LPIN2: variants seen among roughly 807,000 people sequenced by gnomAD.
The protein encoded by LPIN2 is lipin 2, also known as phosphatidate phosphatase LPIN2.
A neutral mutation model predicts 111.4 loss-of-function variants in LPIN2; 55 were observed. The ratio of observed to expected loss-of-function variants is 0.49; its 90% CI spans 0.40 to 0.62. The LOEUF is 0.62. Among genes scored for constraint, LPIN2 ranks in the 20% least tolerant of loss-of-function variants. The pLI is 0.00. For synonymous variants in LPIN2, 425 were observed against 414.0 expected, an observed-to-expected ratio of 1.03 and a Z score of -0.32; for missense variants, 992 against 1,112.1, an observed-to-expected ratio of 0.89 and a Z score of 1.54.
chr18:2,961,698 GTCCTAATGTCAGATTT>G (rs1217578293), intron 1 of LPIN2, among the ~76,000 whole-genome samples: 1 of 151,898 alleles, frequency 6.6e-6, no homozygotes, highest in Admixed American at 6.6e-5. Flanking sequence ...CCCCCCTTCA[GTCCTAATGTCAGATTT>G]TACTTCCAGC....
At chr18:2,921,268 C>T (rs1193980344) in intron 18 of LPIN2, 12 of 575,540 alleles carry the variant, frequency 2.1e-5, no homozygotes, top group South Asian at 6.0e-5. Context: ...GAAGAGGAGC[C>T]GGAGCTGCCT....
In LPIN2 at chr18:2,970,388, G is replaced by A. The variant is rs980136964; in HGVS notation, c.-9-9539C>T. On this transcript the variant is annotated intron_variant, in intron 1 of 19. Transcript: ENST00000677752. Reference sequence around the variant, plus strand: ...TGGCCCAAACAGATATTCATGAAACGTATATGGAGAGCCAAGGCCACCCAA... The same window carrying A: ...TGGCCCAAACAGATATTCATGAAACATATATGGAGAGCCAAGGCCACCCAA... Among the ~76,000 whole-genome samples the A allele has an allele frequency of 4.6e-5, 7 of 152,222 alleles. No homozygotes were observed. In the East Asian group the frequency reaches 5.8e-4, roughly 13 times the overall value.
chr18:2,974,557 G>A (rs1166619825), intron 1 of LPIN2, among the ~76,000 whole-genome samples: 1 of 152,124 alleles, frequency 6.6e-6, no homozygotes, highest in African/African-American at 2.4e-5. Flanking sequence ...TTTTCTCATG[G>A]TCTTAACTTT....
chr18:3,012,430 G>A (rs2078620125), intron 1 of LPIN2, among the ~76,000 whole-genome samples: 1 of 152,240 alleles, frequency 6.6e-6, no homozygotes, highest in South Asian at 2.1e-4. Flanking sequence ...GAAGTGGACA[G>A]AGAGGCTCTC....
intron 15 of LPIN2, 147 bp downstream of exon 15, chr18:2,924,251 T>C: frequency 1.1e-6 from 1 of 910,762 alleles, no homozygotes; most frequent in Non-Finnish European, 1.8e-6. Context: ...ATGTGGACTG[T>C]ACTGGGGACG....
At chr18:2,962,129 T>C (rs57957219) in intron 1 of LPIN2, among the ~76,000 whole-genome samples, 4,387 of 152,264 alleles carry the variant, frequency 0.029, 195 homozygotes, top group African/African-American at 0.1. Flanking sequence ...CACAGATGAG[T>C]GGCCACGGCA....
chr18:2,992,774 G>C (rs1268373950), intron 1 of LPIN2, among the ~76,000 whole-genome samples: 1 of 152,006 alleles, frequency 6.6e-6, no homozygotes, highest in Non-Finnish European at 1.5e-5. Context: ...ATGAGGTCAG[G>C]AGATGGAGAC....
intron 1 of LPIN2, among the ~76,000 whole-genome samples, chr18:2,977,985 G>C (rs1429446704): frequency 6.6e-6 from 1 of 152,092 alleles, no homozygotes; most frequent in Non-Finnish European, 1.5e-5. Flanking sequence ...CTGAGGTCAA[G>C]AGTTCAAGAC....
Position 2,954,490 on chromosome 18 carries a change from C to T in LPIN2, c.288+14G>A. On this transcript the variant is annotated intron_variant, in intron 3 of 19. Transcript: ENST00000677752. ...GCACACTGTGTAAGGAGGGTGTAACCCATGCAAACTTACATATTCTTCTTC... is the reference window on the plus strand; with the variant it reads ...GCACACTGTGTAAGGAGGGTGTAACTCATGCAAACTTACATATTCTTCTTC... 1 of 1,587,732 alleles carries T rather than the reference C, an allele frequency of 6.3e-7. No individual in the cohort carries two copies. Among genetic ancestry groups the T allele is most frequent in the Non-Finnish European group, 8.7e-7 (1 of 1,156,060 alleles).
In LPIN2 at chr18:2,923,873, G is replaced by C; in HGVS notation, c.2088-12C>G. 6.2e-7 allele frequency: 1 copy of C among 1,610,138 alleles called. No individual in the cohort carries two copies. Among genetic ancestry groups the C allele is most frequent in the Non-Finnish European group, 8.5e-7 (1 of 1,176,398 alleles). ...CCAAAGCATCCGACCTAAGAAGACG[G>C]TAGAAACAGGAAAAGCTATCAGGAA... On this transcript the variant is annotated splice_polypyrimidine_tract_variant and intron_variant, in intron 15 of 19. Coordinates refer to ENST00000677752, the MANE Select transcript of LPIN2 (RefSeq NM_001375808.2).
At chr18:2,947,093 T>A (rs1236925291) in intron 4 of LPIN2, among the ~76,000 whole-genome samples, 1 of 152,220 alleles carries the variant, frequency 6.6e-6, no homozygotes, top group East Asian at 1.9e-4. Flanking sequence ...AGGTGCTATC[T>A]GTGAAAAGTC....
intron 8 of LPIN2, among the ~76,000 whole-genome samples, chr18:2,932,526 G>C (rs1365738527): frequency 6.6e-6 from 1 of 152,194 alleles, no homozygotes; most frequent in Non-Finnish European, 1.5e-5. Context: ...AGATTAACTG[G>C]ACTGACAGAA....
At position 2,925,278 on chromosome 18, in the gene LPIN2, G is replaced by T; in HGVS notation, c.1884C>A (p.Ser628Arg). ...TCTTATATGAAGTTGTGCTGCCGTG[G>T]CTCAGGGGCTCTGTGGGGATGGGGT... is the stretch of plus-strand genomic sequence containing the variant. ...TVDPIPTEPL[S>R]HGSTTSYKKS... The change falls in exon 14 of 20, where the codon AGC (serine) becomes AGA (arginine). Residue 628 changes from serine (S) to arginine (R), a missense_variant. Around this residue, in one of 4 missense-constraint regions of LPIN2, gnomAD observed 709 missense variants for 753.2 expected, o/e 0.94. Transcript: ENST00000677752. This position sits in a 1 kb window ranked among gnomAD's most constrained non-coding sequence, Gnocchi z 4.1. 1 of 1,614,162 alleles carries T rather than the reference G, an allele frequency of 6.2e-7. No homozygotes were observed. The highest frequency in any genetic ancestry group is 1.1e-5 in the South Asian group (1 of 91,084).
intron 1 of LPIN2, among the ~76,000 whole-genome samples, chr18:2,982,477 G>A (rs1295353756): frequency 1.3e-5 from 2 of 152,114 alleles, no homozygotes; most frequent in East Asian, 3.8e-4. Context: ...AGTAAATGCA[G>A]GAGGGCAGGT....
chr18:2,951,075 G>T lies in LPIN2; in HGVS notation c.570C>A (p.Asp190Glu). 1 of 1,614,114 alleles carries T rather than the reference G, an allele frequency of 6.2e-7. No homozygotes were observed. The highest frequency in any genetic ancestry group is 1.3e-5 in the African/African-American group (1 of 75,016). ...TCDVGVSSDDDKGAQAARGSS... is the reference protein window; with the variant it reads ...TCDVGVSSDDEKGAQAARGSS... ...CCTACCGTGCTGCCTGGGCCCCCTT[G>T]TCATCATCGGAGCTCACGCCTACAT... Residue 190 changes from aspartate to glutamate, a missense_variant, in exon 4 of 20, where the codon GAC becomes GAA. Physicochemically the swap from Asp to Glu is conservative, Grantham distance 45. Around this residue, in one of 4 missense-constraint regions of LPIN2, gnomAD observed 709 missense variants for 753.2 expected, o/e 0.94. Coordinates refer to ENST00000677752, the MANE Select transcript of LPIN2 (RefSeq NM_001375808.2).
Position 2,920,273 on chromosome 18 carries a change from C to G in LPIN2, c.*20G>C. On this transcript the variant is annotated 3_prime_UTR_variant, in exon 20 of 20. Coordinates refer to ENST00000677752, the MANE Select transcript of LPIN2 (RefSeq NM_001375808.2). ...TGTGGGGAGGGGGACCAAGCCCTGC[C>G]CACCCACTGAGGTGCCGCCTCAAGA... is the stretch of plus-strand genomic sequence containing the variant. 1 of 1,613,964 alleles carries G rather than the reference C, an allele frequency of 6.2e-7. No individual in the cohort carries two copies. Among genetic ancestry groups the G allele is most frequent in the Non-Finnish European group, 8.5e-7 (1 of 1,180,000 alleles).
In LPIN2 at chr18:2,918,297, T is replaced by G. The variant is rs1298614915; in HGVS notation, c.*1996A>C. On this transcript the variant is annotated 3_prime_UTR_variant, in exon 20 of 20. Transcript: ENST00000677752. ...GAAAAAGAAACTAGTCAAAAACTCT[T>G]TAAAGGACAACCTAAAAAGGATTAA... is the stretch of plus-strand genomic sequence containing the variant. The G allele has an allele frequency of 6.6e-6, 1 of 152,146 alleles. No individual in the cohort carries two copies. The allele number at this position is 152,146 out of a possible 1,614,324, so 9.4% of individuals were successfully genotyped here.
At position 2,927,818 on chromosome 18, in the gene LPIN2, A is replaced by C. The variant is rs758701848; in HGVS notation, c.1621-7T>G. On this transcript the variant is annotated splice_polypyrimidine_tract_variant and splice_region_variant and intron_variant, in intron 11 of 19. Coordinates refer to ENST00000677752, the MANE Select transcript of LPIN2 (RefSeq NM_001375808.2). ...CCCAGGACTCAACTGTGGCCTGAAA[A>C]CAACCAACCTGGGTTAGTCTGGGCA... 1.5e-5 allele frequency: 24 copies of C among 1,613,824 alleles called. No individual in the cohort carries two copies. The South Asian group carries it at 1.9e-4, about 13-fold the overall frequency.
rs568897455 is a variant in LPIN2 at position 2,921,574 on chromosome 18, A to C, written c.2401T>G (p.Ser801Ala). Residue 801 changes from serine to alanine, a missense_variant, in exon 18 of 20, where the codon TCT becomes GCT. Around this residue, in one of 4 missense-constraint regions of LPIN2, gnomAD observed 185 missense variants for 186.5 expected, o/e 0.99. Transcript: ENST00000677752. ...AAGGCAGCATAGAAGGGCTGCTTAG[A>C]CGGGGCAAACAGATTCTTGATATCA... Reference protein sequence around the residue: ...LNDIKNLFAPSKQPFYAAFGN... With the variant: ...LNDIKNLFAPAKQPFYAAFGN... The C allele has an allele frequency of 1.9e-6, 3 of 1,614,166 alleles. No individual in the cohort carries two copies. In the South Asian group the frequency reaches 3.3e-5, roughly 18 times the overall value.
Sources: gnomAD v4.1 joint callset for allele counts (sites outside exome capture counted in the v4.1 genomes callset) on GRCh38, gnomAD v4.1.1 for gene constraint, gnomAD v4.1.1 regional missense constraint, Gnocchi (gnomAD v3.1) non-coding constraint, MANE v1.5 for transcripts, NCBI Gene and HGNC (gene_info 2026-07-23, HGNC 2026-07-21) for gene names.